MYO10: variants seen among roughly 807,000 people sequenced by gnomAD.
MYO10 encodes the protein unconventional myosin-X.
A neutral mutation model predicts 257.3 loss-of-function variants in MYO10; 133 were observed. That is an observed-to-expected ratio of 0.52 (90% CI 0.45 to 0.60). The LOEUF is 0.60. MYO10 is among the 20% of genes least tolerant of loss of function. The pLI, the probability that MYO10 is intolerant of heterozygous loss-of-function variation, is 0.00. For synonymous variants in MYO10, 1,104 were observed against 1,028.6 expected, an observed-to-expected ratio of 1.07 and a Z score of -1.40; for missense variants, 2,399 against 2,635.7, an observed-to-expected ratio of 0.91 and a Z score of 1.97.
At chr5:16,921,436 G>C (rs886092903) in intron 1 of MYO10, among the ~76,000 whole-genome samples, 8 of 152,036 alleles carry the variant, frequency 5.3e-5, no homozygotes, top group Admixed American at 1.3e-4. Flanking sequence ...ATTCTAACTA[G>C]GCTGAACAAC....
chr5:16,766,089 A>AT lies in MYO10; in HGVS notation c.1169dup (p.Asn390LysfsTer22). On this transcript the variant is annotated frameshift_variant, in exon 11 of 41. Transcript: ENST00000513610. LOFTEE classifies it high-confidence loss of function. ...GGCAAAGCGTGTGTACCTGTTGAAC[A>AT]TTGAGAGGCGTGAGGATCTCTTCTC... The AT allele has an allele frequency of 6.2e-7, 1 of 1,608,344 alleles. No individual in the cohort carries two copies.
chr5:16,858,819 A>G (rs1441496012), intron 2 of MYO10, among the ~76,000 whole-genome samples: 1 of 152,110 alleles, frequency 6.6e-6, no homozygotes, highest in Non-Finnish European at 1.5e-5. Flanking sequence ...TTAGCCAGGT[A>G]TGGTGGCATG....
chr5:16,704,189 G>A (rs1738223808), intron 22 of MYO10, among the ~76,000 whole-genome samples: 1 of 151,992 alleles, frequency 6.6e-6, no homozygotes, highest in African/African-American at 2.4e-5. Flanking sequence ...GCCAGGCATG[G>A]TGGTGTGTGT....
intron 3 of MYO10, among the ~76,000 whole-genome samples, chr5:16,807,730 T>C (rs905018023): frequency 6.6e-6 from 1 of 152,154 alleles, no homozygotes; most frequent in Non-Finnish European, 1.5e-5. Context: ...ATCCTCCTTC[T>C]TGGCCAAATT....
At chr5:16,880,196 G>A (rs1012441699) in intron 1 of MYO10, among the ~76,000 whole-genome samples, 14 of 151,962 alleles carry the variant, frequency 9.2e-5, no homozygotes, top group Admixed American at 6.6e-4. Flanking sequence ...AAATAAATAA[G>A]TAAATAAAAT....
Position 16,670,736 on chromosome 5 carries a change from C to G in MYO10, c.5673G>C (p.Arg1891=), listed in dbSNP as rs780075982. The stretch of plus-strand genomic sequence containing the variant: ...GGACCACGGATCCTGTCCGGAAGCT[C>G]CGCCTCAGGGTCCCCTCTAGGAAGC... ...RTSFLEGTLR[R]SFRTGSVVRQ... is the part of the protein sequence containing the mutation. The change falls in exon 39 of 41, where the codon CGG becomes CGC. Residue 1891 remains arginine (R), a synonymous_variant. Coordinates refer to ENST00000513610, the MANE Select transcript of MYO10 (RefSeq NM_012334.3). 6.2e-7 allele frequency: 1 copy of G among 1,614,040 alleles called. No individual in the cohort carries two copies. The highest frequency in any genetic ancestry group is 1.1e-5 in the South Asian group (1 of 91,072).
At position 16,914,157 on chromosome 5, in the gene MYO10, G is replaced by A. The variant is rs183382910; in HGVS notation, c.21+21631C>T. Among the ~76,000 whole-genome samples the A allele has an allele frequency of 8.8e-3, 1,339 of 152,274 alleles. 25 individuals carry two copies. Among genetic ancestry groups the A allele is most frequent in the African/African-American group, 0.03 (1,262 of 41,556 alleles). On this transcript the variant is annotated intron_variant, in intron 1 of 40. Coordinates refer to ENST00000513610, the MANE Select transcript of MYO10 (RefSeq NM_012334.3). ...CAAGCTGGGCCAAGGGTTCAAGGTG[G>A]CATTTCTTCCTACAGTACCTACGGG...
chr5:16,777,400 T>C (rs949799840), intron 9 of MYO10, among the ~76,000 whole-genome samples: 1 of 152,166 alleles, frequency 6.6e-6, no homozygotes, highest in Non-Finnish European at 1.5e-5. Context: ...ATGTTAGCCA[T>C]AGAGAAATGA....
At chr5:16,805,379 T>A (rs1165429126) in intron 3 of MYO10, among the ~76,000 whole-genome samples, 2 of 148,178 alleles carry the variant, frequency 1.3e-5, no homozygotes, top group South Asian at 2.1e-4. Flanking sequence ...GGAGAATCGC[T>A]TGAACCCAGG....
In MYO10 at chr5:16,936,230, G is replaced by C. The variant is rs1208507041; in HGVS notation, c.-422C>G. 3.2e-5 allele frequency: 6 copies of C among 189,580 alleles called. 1 individual carries two copies. Among genetic ancestry groups the C allele is most frequent in the Non-Finnish European group, 6.5e-5 (6 of 92,606 alleles). 11.7% of individuals were successfully genotyped at this position (189,580 alleles called of 1,614,324 possible). A position where few individuals can be genotyped will look rare whatever the true frequency, so the allele number is the denominator to read the frequency against. On this transcript the variant is annotated 5_prime_UTR_variant, in exon 1 of 41. Transcript: ENST00000513610. Reference sequence around the variant, plus strand: ...TGAGCAGGAGCCGCGATCCCCGCGCGAGCGCTTGGAGGTGAGCAGTCCCGC... The same window carrying C: ...TGAGCAGGAGCCGCGATCCCCGCGCCAGCGCTTGGAGGTGAGCAGTCCCGC...
At chr5:16,761,016 G>A (rs934927664) in intron 17 of MYO10, among the ~76,000 whole-genome samples, 1 of 151,718 alleles carries the variant, frequency 6.6e-6, no homozygotes, top group Non-Finnish European at 1.5e-5. Flanking sequence ...TTGAGACAGA[G>A]TTTCACTCTT....
At chr5:16,931,019 C>T (rs552651535) in intron 1 of MYO10, among the ~76,000 whole-genome samples, 84 of 152,304 alleles carry the variant, frequency 5.5e-4, no homozygotes, top group African/African-American at 1.8e-3. Context: ...TGCCTGTAAT[C>T]CCAGCACTTT....
intron 1 of MYO10, among the ~76,000 whole-genome samples, chr5:16,887,284 T>G (rs1744922501): frequency 6.6e-6 from 1 of 152,158 alleles, no homozygotes; most frequent in African/African-American, 2.4e-5. Context: ...CGGTAAAAGG[T>G]ATCACCAACA....
intron 4 of MYO10, among the ~76,000 whole-genome samples, chr5:16,788,711 T>A (rs975808878): frequency 3.3e-5 from 5 of 151,452 alleles, no homozygotes; most frequent in African/African-American, 4.9e-5. Flanking sequence ...AGACAGCAGA[T>A]GAAAAATGAC....
intron 25 of MYO10, 69 bp from the exon 26 acceptor site, chr5:16,699,642 T>A: frequency 6.3e-7 from 1 of 1,595,310 alleles, no homozygotes; most frequent in Non-Finnish European, 8.5e-7. Flanking sequence ...ATACCCAGCA[T>A]GTATCATCAT....
At chr5:16,758,300 G>T in intron 17 of MYO10, 74 bp from the exon 18 acceptor site, 1 of 1,021,044 alleles carries the variant, frequency 9.8e-7, no homozygotes, top group Non-Finnish European at 1.6e-6. Flanking sequence ...TGTAATTAAT[G>T]GTGCCCTTTC....
intron 1 of MYO10, among the ~76,000 whole-genome samples, chr5:16,899,282 T>C (rs529698485): frequency 9.2e-5 from 14 of 152,242 alleles, no homozygotes; most frequent in African/African-American, 3.1e-4. Context: ...TAATCTACTT[T>C]ACTTCAACAT....
intron 19 of MYO10, among the ~76,000 whole-genome samples, chr5:16,752,436 C>T (rs1251859658): frequency 6.6e-6 from 1 of 152,154 alleles, no homozygotes; most frequent in Non-Finnish European, 1.5e-5. Context: ...ACGTGTGCCA[C>T]CACGCCTGGC....
rs1418839494 is a variant in MYO10 at position 16,775,926 on chromosome 5, G to T, written c.930+3619C>A. The stretch of plus-strand genomic sequence containing the variant: ...TTTTTTTATTTTTGAGATGGGGCCT[G>T]GCCCTGTCGCCCAGGCTGGAGTGCA... On this transcript the variant is annotated intron_variant, in intron 9 of 40. Coordinates refer to ENST00000513610, the MANE Select transcript of MYO10 (RefSeq NM_012334.3). Among the ~76,000 whole-genome samples the T allele has an allele frequency of 2.3e-5, 3 of 132,844 alleles. No individual in the cohort carries two copies. In the East Asian group the frequency reaches 6.9e-4, roughly 30 times the overall value. The allele number at this position is 132,844 out of a possible 152,430, so 87.2% of individuals were successfully genotyped here. A position where few individuals can be genotyped will look rare whatever the true frequency, so the allele number is the denominator to read the frequency against.
Sources: gnomAD v4.1 joint callset for allele counts (sites outside exome capture counted in the v4.1 genomes callset) on GRCh38, gnomAD v4.1.1 for gene constraint, MANE v1.5 for transcripts, NCBI Gene and HGNC (gene_info 2026-07-23, HGNC 2026-07-21) for gene names.